The following SCHIP1 variants were observed in gnomAD, a reference collection of about 807,000 sequenced individuals.
SCHIP1 encodes the protein schwannomin-interacting protein 1.
Under a neutral mutation model 29.7 loss-of-function variants are expected in SCHIP1, and 8 were observed. That is an observed-to-expected ratio of 0.27 (90% CI 0.16 to 0.49). The LOEUF is 0.49. SCHIP1 is among the 20% of genes least tolerant of loss of function. The pLI, the probability that SCHIP1 is intolerant of heterozygous loss-of-function variation, is 0.99. For synonymous variants in SCHIP1, 76 were observed against 94.9 expected, an observed-to-expected ratio of 0.80 and a Z score of 1.16; for missense variants, 193 against 294.6, an observed-to-expected ratio of 0.66 and a Z score of 2.52.
the SCHIP1 span, among the ~76,000 whole-genome samples, chr3:159,354,855 A>G: frequency 6.6e-6 from 1 of 152,196 alleles, no homozygotes; most frequent in African/African-American, 2.4e-5. Flanking sequence ...ATAACACTGT[A>G]TTTTGATTCT....
chr3:159,371,004 G>A, the SCHIP1 span, among the ~76,000 whole-genome samples: 1 of 152,100 alleles, frequency 6.6e-6, no homozygotes, highest in East Asian at 1.9e-4. Flanking sequence ...TTTAGGTTCT[G>A]TTTCTGTGGA....
chr3:159,432,325 TGTGTGTGTGTGTGTGAGAGAGAGAGA>T, the SCHIP1 span, among the ~76,000 whole-genome samples: 1 of 102,220 alleles, frequency 9.8e-6, no homozygotes, highest in Non-Finnish European at 2.3e-5. Context: ...TGTGTGTGTG[TGTGTGTGTGTGTGTGAGAGAGAGAGA>T]GAGAGAGAGA....
At chr3:159,707,297 T>C in the SCHIP1 span, among the ~76,000 whole-genome samples, 2 of 152,194 alleles carry the variant, frequency 1.3e-5, no homozygotes, top group Non-Finnish European at 2.9e-5. Flanking sequence ...CATTAAAAGA[T>C]AGAGCTGAAT....
At chr3:159,365,344 CG>C in the SCHIP1 span, among the ~76,000 whole-genome samples, 2 of 151,960 alleles carry the variant, frequency 1.3e-5, no homozygotes, top group Non-Finnish European at 2.9e-5. Context: ...TTGAAACATG[CG>C]TTTTTTTCTG....
At chr3:159,767,766 C>T in the SCHIP1 span, among the ~76,000 whole-genome samples, 1 of 152,136 alleles carries the variant, frequency 6.6e-6, no homozygotes, top group Admixed American at 6.5e-5. Context: ...CCCCCACCAC[C>T]CTTCCTAAAG....
the SCHIP1 span, among the ~76,000 whole-genome samples, chr3:159,355,867 A>AT: frequency 9.2e-5 from 14 of 152,182 alleles, no homozygotes; most frequent in Middle Eastern, 3.4e-3. Context: ...TTATAAAATC[A>AT]TTTTTTTCAC....
chr3:159,682,699 C>A, the SCHIP1 span, among the ~76,000 whole-genome samples: 2 of 152,148 alleles, frequency 1.3e-5, no homozygotes, highest in Non-Finnish European at 2.9e-5. Flanking sequence ...CTTGGCCCTA[C>A]CTGATCTAGG....
chr3:159,529,246 C>T, the SCHIP1 span, among the ~76,000 whole-genome samples: 2 of 152,156 alleles, frequency 1.3e-5, no homozygotes, highest in Non-Finnish European at 2.9e-5. Context: ...TGCATATATG[C>T]TAGTTCTATT....
At chr3:159,345,286 A>G in the SCHIP1 span, among the ~76,000 whole-genome samples, 1 of 152,078 alleles carries the variant, frequency 6.6e-6, no homozygotes, top group Non-Finnish European at 1.5e-5. Flanking sequence ...TAAAAGCCAA[A>G]GCCAAATACT....
intron 5 of SCHIP1, among the ~76,000 whole-genome samples, chr3:159,891,314 T>A (rs1201268563): frequency 6.6e-6 from 1 of 151,360 alleles, no homozygotes; most frequent in African/African-American, 2.4e-5. Context: ...GAGGTTGCAA[T>A]GAGCCGAGAT....
At chr3:159,512,418 T>C in the SCHIP1 span, among the ~76,000 whole-genome samples, 1 of 152,176 alleles carries the variant, frequency 6.6e-6, no homozygotes, top group African/African-American at 2.4e-5. Context: ...GAGTATTTCA[T>C]AGCCCAGCAA....
intron 2 of SCHIP1, among the ~76,000 whole-genome samples, chr3:159,876,090 A>T (rs1715777122): frequency 6.6e-6 from 1 of 152,232 alleles, no homozygotes; most frequent in South Asian, 2.1e-4. Flanking sequence ...TTAGAAAATC[A>T]GTGTCATTGA....
chr3:159,836,810 C>T (rs919763971), upstream of SCHIP1, among the ~76,000 whole-genome samples: 5 of 152,158 alleles, frequency 3.3e-5, no homozygotes, highest in African/African-American at 7.2e-5. Context: ...ACAAATGTTA[C>T]TGCAGTTTGG....
the SCHIP1 span, among the ~76,000 whole-genome samples, chr3:159,833,569 C>T: frequency 5.3e-5 from 8 of 152,196 alleles, no homozygotes; most frequent in Non-Finnish European, 1.2e-4. Context: ...ACCCAGGAGA[C>T]AGGGGACATT....
the SCHIP1 span, among the ~76,000 whole-genome samples, chr3:159,513,236 G>T: frequency 6.6e-6 from 1 of 152,200 alleles, no homozygotes; most frequent in Non-Finnish European, 1.5e-5. Flanking sequence ...GAGATTTGAT[G>T]TGGGGGGTAC....
the SCHIP1 span, among the ~76,000 whole-genome samples, chr3:159,455,282 A>G: frequency 3.3e-5 from 5 of 152,310 alleles, no homozygotes; most frequent in African/African-American, 1.2e-4. Flanking sequence ...TAATATTTCC[A>G]TACAGGTGAA....
chr3:159,411,497 G>C, the SCHIP1 span, among the ~76,000 whole-genome samples: 1 of 152,092 alleles, frequency 6.6e-6, no homozygotes, highest in Non-Finnish European at 1.5e-5. Context: ...TATGTGTTGA[G>C]TATCAATTGG....
At chr3:159,491,915 G>A in the SCHIP1 span, among the ~76,000 whole-genome samples, 1 of 152,172 alleles carries the variant, frequency 6.6e-6, no homozygotes, top group Non-Finnish European at 1.5e-5. Context: ...CCAGAGGAAC[G>A]ATCAGGCAGC....
chr3:159,609,767 C>T, the SCHIP1 span, among the ~76,000 whole-genome samples: 1 of 152,128 alleles, frequency 6.6e-6, no homozygotes, highest in Non-Finnish European at 1.5e-5. Flanking sequence ...AGATAAACAT[C>T]TGTCCTATTT....
Sources: allele counts gnomAD v4.1 joint callset (sites outside exome capture counted in the v4.1 genomes callset), GRCh38; gene constraint gnomAD v4.1.1; transcripts MANE v1.5; gene names NCBI Gene and HGNC (gene_info 2026-07-23, HGNC 2026-07-21).